The following TM9SF3 variants were observed in gnomAD, a reference collection of about 807,000 sequenced individuals.
TM9SF3 encodes SM-11044-binding protein.
In TM9SF3, 14 loss-of-function variants were observed where a neutral mutation model predicts 78.6. That is an observed-to-expected ratio of 0.18 (90% confidence interval 0.12 to 0.28). The LOEUF is 0.28. Ranked by LOEUF, TM9SF3 falls within the 10% of genes least tolerant of loss-of-function variation. TM9SF3 has a pLI of 1.00. For synonymous variants in TM9SF3, 231 were observed against 241.7 expected, an observed-to-expected ratio of 0.96 and a Z score of 0.41; for missense variants, 496 against 721.9, an observed-to-expected ratio of 0.69 and a Z score of 3.59.
intron 5 of TM9SF3, among the ~76,000 whole-genome samples, chr10:96,556,514 T>C (rs1848235833): frequency 6.6e-6 from 1 of 152,204 alleles, no homozygotes; most frequent in South Asian, 2.1e-4. Context: ...AAGCAATTCT[T>C]ATACTTGTAC....
chr10:96,586,721 C>A lies in TM9SF3; in HGVS notation c.102+13G>T. ...GCTAGCCCGGGGCGGCCGCGCCGGCCGGGGCGCCTCACCGTGTGTTCGTGC... is the reference window on the plus strand; with the variant it reads ...GCTAGCCCGGGGCGGCCGCGCCGGCAGGGGCGCCTCACCGTGTGTTCGTGC... On this transcript the variant is annotated intron_variant, in intron 1 of 14. Transcript: ENST00000371142. 8.2e-7 allele frequency: 1 copy of A among 1,222,962 alleles called. No homozygotes were observed. The highest frequency in any genetic ancestry group is 1.0e-6 in the Non-Finnish European group (1 of 982,062). The allele number at this position is 1,222,962 out of a possible 1,614,324, so 75.8% of individuals were successfully genotyped here. A position where few individuals can be genotyped will look rare whatever the true frequency, so the allele number is the denominator to read the frequency against.
chr10:96,537,086 G>A (rs377071714), intron 9 of TM9SF3, among the ~76,000 whole-genome samples: 1 of 152,156 alleles, frequency 6.6e-6, no homozygotes, highest in East Asian at 1.9e-4. Flanking sequence ...AGGCTTATTC[G>A]TAGTTAAGGT....
intron 4 of TM9SF3, among the ~76,000 whole-genome samples, chr10:96,561,526 A>G (rs1848308689): frequency 6.6e-6 from 1 of 152,196 alleles, no homozygotes; most frequent in Non-Finnish European, 1.5e-5. Context: ...AAAGGCTCTG[A>G]CAAGCTCTCA....
At position 96,522,237 on chromosome 10, in the gene TM9SF3, C is replaced by A; in HGVS notation, c.*26G>T. On this transcript the variant is annotated 3_prime_UTR_variant, in exon 15 of 15. Coordinates refer to ENST00000371142, the MANE Select transcript of TM9SF3 (RefSeq NM_020123.4). ...CCACCCCTATGAAAAAGAAATTGAT[C>A]CAAAGTTCCAGGTTTTCTTGGGTCT... is the stretch of plus-strand genomic sequence containing the variant. 6.3e-7 allele frequency: 1 copy of A among 1,589,312 alleles called. No individual in the cohort carries two copies. Among genetic ancestry groups the A allele is most frequent in the East Asian group, 2.3e-5 (1 of 44,016 alleles).
chr10:96,534,912 T>C (rs1053725442), intron 9 of TM9SF3, among the ~76,000 whole-genome samples: 2 of 152,178 alleles, frequency 1.3e-5, no homozygotes, highest in Non-Finnish European at 2.9e-5. Context: ...CTGAATGAAT[T>C]TTGTCATTGA....
At chr10:96,539,964 A>G (rs1479577354) in intron 9 of TM9SF3, among the ~76,000 whole-genome samples, 1 of 152,216 alleles carries the variant, frequency 6.6e-6, no homozygotes, top group African/African-American at 2.4e-5. Flanking sequence ...TCTTCTGAAA[A>G]CCAGACAAGA....
chr10:96,586,201 C>T (rs757580991), intron 1 of TM9SF3, among the ~76,000 whole-genome samples: 2 of 152,194 alleles, frequency 1.3e-5, no homozygotes, highest in Non-Finnish European at 2.9e-5. Context: ...AATGCTGCCC[C>T]ACCCCAGGGT....
chr10:96,531,309 C>T (rs1331164291), intron 10 of TM9SF3, among the ~76,000 whole-genome samples: 3 of 152,066 alleles, frequency 2.0e-5, no homozygotes, highest in African/African-American at 7.2e-5. Context: ...CCCATTCTTC[C>T]ACTGCCTCTT....
At chr10:96,569,631 A>T (rs1848416822) in intron 2 of TM9SF3, among the ~76,000 whole-genome samples, 1 of 152,244 alleles carries the variant, frequency 6.6e-6, no homozygotes, top group African/African-American at 2.4e-5. Context: ...ACTTCCAAGA[A>T]TTCATCCTAA....
chr10:96,560,823 T>A (rs1848298384), intron 4 of TM9SF3: 1 of 542,578 alleles, frequency 1.8e-6, no homozygotes, highest in Admixed American at 2.0e-5. Flanking sequence ...AGGACAAAAA[T>A]CCTTCAAAAA....
At chr10:96,540,419 G>A (rs986545030) in intron 9 of TM9SF3, among the ~76,000 whole-genome samples, 2 of 152,062 alleles carry the variant, frequency 1.3e-5, no homozygotes, top group Non-Finnish European at 1.5e-5. Context: ...GTGATCTCTC[G>A]GTATCTCTAA....
At chr10:96,576,131 C>T (rs568892911) in intron 2 of TM9SF3, among the ~76,000 whole-genome samples, 17 of 152,246 alleles carry the variant, frequency 1.1e-4, no homozygotes, top group African/African-American at 3.4e-4. Context: ...TAAGTATCCA[C>T]GCATCCCATT....
At position 96,518,465 on chromosome 10, in the gene TM9SF3, T is replaced by TA. The variant is rs1461587834; in HGVS notation, c.*3797dup. ...AAGCTCTTATATCTTTCAAATGACC[T>TA]AAGCTGATGAACTGGAGTAAACACA... On this transcript the variant is annotated 3_prime_UTR_variant, in exon 15 of 15. Transcript: ENST00000371142. 6.6e-6 allele frequency: 1 copy of TA among 152,170 alleles called. No individual in the cohort carries two copies. Among genetic ancestry groups the TA allele is most frequent in the Non-Finnish European group, 1.5e-5 (1 of 68,010 alleles). 9.4% of individuals were successfully genotyped at this position (152,170 alleles called of 1,614,324 possible).
chr10:96,553,159 A>G, intron 5 of TM9SF3, 100 bp from the exon 6 acceptor site: 1 of 1,281,768 alleles, frequency 7.8e-7, no homozygotes, highest in Non-Finnish European at 1.0e-6. Context: ...AGAAAAAAAA[A>G]AGTCTTTAAT....
chr10:96,571,147 G>C (rs1322739089), intron 2 of TM9SF3, among the ~76,000 whole-genome samples: 1 of 152,208 alleles, frequency 6.6e-6, no homozygotes, highest in Non-Finnish European at 1.5e-5. Context: ...GCCTGTAAGG[G>C]AGGGAACTGG....
chr10:96,563,898 C>T (rs1471210873), intron 3 of TM9SF3, among the ~76,000 whole-genome samples: 3 of 151,688 alleles, frequency 2.0e-5, no homozygotes, highest in Non-Finnish European at 2.9e-5. Context: ...AAGTATTTCC[C>T]CAAACAGGGC....
chr10:96,540,661 A>G (rs964690553), intron 9 of TM9SF3, among the ~76,000 whole-genome samples: 6 of 148,918 alleles, frequency 4.0e-5, no homozygotes, highest in Non-Finnish European at 8.9e-5. Context: ...CCACACAATG[A>G]GTCTTTGATC....
intron 3 of TM9SF3, 135 bp from the exon 4 acceptor site, chr10:96,562,273 T>A: frequency 1.5e-6 from 1 of 675,898 alleles, no homozygotes; most frequent in Non-Finnish European, 2.4e-6. Context: ...CACTCTTGAC[T>A]CTCCCTTCAC....
Position 96,576,817 on chromosome 10 carries a change from C to A in TM9SF3, c.115G>T (p.Glu39Ter). The change falls in exon 2 of 15, where the codon GAG becomes TAG. Residue 39 changes from glutamate to a stop codon, truncating the protein, a stop_gained. Coordinates refer to ENST00000371142, the MANE Select transcript of TM9SF3 (RefSeq NM_020123.4). LOFTEE classifies it high-confidence loss of function. ...GTATTCATCCATAAGACAACTTCCTCTTTATCTTGATACTGAAACAAGAAA... is the reference window on the plus strand; with the variant it reads ...GTATTCATCCATAAGACAACTTCCTATTTATCTTGATACTGAAACAAGAAA... ...DEHEHTYQDK[E>*]EVVLWMNTVG... 1 of 1,505,874 alleles carries A rather than the reference C, an allele frequency of 6.6e-7. No homozygotes were observed. The highest frequency in any genetic ancestry group is 8.8e-7 in the Non-Finnish European group (1 of 1,131,934). The allele number at this position is 1,505,874 out of a possible 1,614,324, so 93.3% of individuals were successfully genotyped here.
Sources: allele counts gnomAD v4.1 joint callset (sites outside exome capture counted in the v4.1 genomes callset), GRCh38; gene constraint gnomAD v4.1.1; transcripts MANE v1.5; gene names NCBI Gene and HGNC (gene_info 2026-07-23, HGNC 2026-07-21).